Variants in ZNF106 observed in about 807,000 individuals in gnomAD.
ZNF106 encodes SH3-domain binding protein 3.
Under a neutral mutation model 195.1 loss-of-function variants are expected in ZNF106, and 67 were observed. The ratio of observed to expected loss-of-function variants is 0.34; its 90% confidence interval spans 0.28 to 0.42. The LOEUF is 0.42. ZNF106 is among the 10% of genes least tolerant of loss of function. The probability of loss-of-function intolerance (pLI) is 1.00; values close to 1 mark genes in which losing one functional copy is unlikely to be tolerated. For missense variants in ZNF106, 2,118 were observed against 2,304.5 expected (o/e 0.92, Z 1.66); for synonymous variants, 784 against 818.6 (o/e 0.96, Z 0.72).
chr15:42,452,400 G>A (rs1443631077), intron 4 of ZNF106, among the ~76,000 whole-genome samples: 1 of 152,002 alleles, frequency 6.6e-6, no homozygotes, highest in South Asian at 2.1e-4. Context: ...GAGCACGCCT[G>A]TAACCCCAGC....
intron 1 of ZNF106, among the ~76,000 whole-genome samples, chr15:42,484,871 C>G (rs2056975477): frequency 6.6e-6 from 1 of 151,994 alleles, no homozygotes; most frequent in Non-Finnish European, 1.5e-5. Context: ...AAAAAATACT[C>G]TGTGTTGACC....
chr15:42,489,871 A>G (rs1253435517), intron 1 of ZNF106, among the ~76,000 whole-genome samples: 3 of 151,954 alleles, frequency 2.0e-5, no homozygotes, highest in Non-Finnish European at 4.4e-5. Context: ...CCTCGTCTCT[A>G]CTAAAAATAC....
At position 42,450,768 on chromosome 15, in the gene ZNF106, T is replaced by C. The variant is rs746387278; in HGVS notation, c.1504A>G (p.Asn502Asp). 2 of 1,613,974 alleles carry C rather than the reference T, an allele frequency of 1.2e-6. No homozygotes were observed. The highest frequency in any genetic ancestry group is 2.7e-5 in the African/African-American group (2 of 74,894). Reference protein sequence around the residue: ...PKNISKNTKTNFFSPGEHSNP... With the variant: ...PKNISKNTKTDFFSPGEHSNP... ...GAGTGTTCTCCAGGGGAAAAAAAAT[T>C]TGTTTTGGTGTTTTTTGAGATATTC... Residue 502 changes from asparagine (N) to aspartate (D), a missense_variant, in exon 5 of 22, where the codon AAT (asparagine) becomes GAT (aspartate). Coordinates refer to ENST00000564754, the MANE Select transcript of ZNF106 (RefSeq NM_001366845.3).
chr15:42,487,711 CA>C (rs2057047695), intron 1 of ZNF106, among the ~76,000 whole-genome samples: 1 of 152,038 alleles, frequency 6.6e-6, no homozygotes, highest in Non-Finnish European at 1.5e-5. Context: ...TAATGTTGTA[CA>C]ACCAACACTA....
In ZNF106 at chr15:42,448,381, G is replaced by A. The variant is rs747655349; in HGVS notation, c.2826C>T (p.Ala942=). The part of the protein sequence containing the change: ...HLKQEVTPRA[A]SLRTGERAEN... ...CAGCCCTTTCACCTGTTCGGAGGGA[G>A]GCAGCCCGAGGTGTCACTTCTTGTT... Residue 942 remains alanine, a synonymous_variant, in exon 6 of 22, where the codon GCC becomes GCT. Transcript: ENST00000564754. 10 of 1,614,036 alleles carry A rather than the reference G, an allele frequency of 6.2e-6. No homozygotes were observed. The highest frequency in any genetic ancestry group is 8.5e-6 in the Non-Finnish European group (10 of 1,180,042).
At chr15:42,429,433 C>T (rs941325680) in intron 14 of ZNF106, among the ~76,000 whole-genome samples, 64 of 150,898 alleles carry the variant, frequency 4.2e-4, no homozygotes, top group African/African-American at 1.5e-3. Flanking sequence ...AGCGAGACCC[C>T]GTCTCAATTA....
intron 20 of ZNF106, 49 bp from the exon 21 acceptor site, chr15:42,418,000 C>G (rs367918891): frequency 6.3e-7 from 1 of 1,588,830 alleles, no homozygotes; most frequent in African/African-American, 1.4e-5. Context: ...GTGCAGTGAA[C>G]GTGAATCAGA....
intron 3 of ZNF106, among the ~76,000 whole-genome samples, chr15:42,465,384 C>T (rs770422328): frequency 4.6e-5 from 7 of 152,080 alleles, no homozygotes; most frequent in Non-Finnish European, 8.8e-5. Flanking sequence ...CTCAAGTGAT[C>T]CTCCCAACCT....
chr15:42,425,866 A>T (rs2054836627), intron 15 of ZNF106: 1 of 152,198 alleles, frequency 6.6e-6, no homozygotes, highest in African/African-American at 2.4e-5. Context: ...TTAGTAGACT[A>T]TAGAAGCCTA....
chr15:42,427,187 A>T (rs1472644292), intron 15 of ZNF106, among the ~76,000 whole-genome samples: 1 of 152,066 alleles, frequency 6.6e-6, no homozygotes. Flanking sequence ...AACCTTTTTC[A>T]TGTCAGCTTC....
At chr15:42,449,418 T>G (rs1411681440) in intron 5 of ZNF106, among the ~76,000 whole-genome samples, 1 of 152,218 alleles carries the variant, frequency 6.6e-6, no homozygotes, top group Admixed American at 6.5e-5. Flanking sequence ...CATTCCAAAA[T>G]TAAGATCTAG....
At chr15:42,486,312 T>C (rs756389163) in intron 1 of ZNF106, among the ~76,000 whole-genome samples, 1 of 151,296 alleles carries the variant, frequency 6.6e-6, no homozygotes, top group Non-Finnish European at 1.5e-5. Context: ...TGGGGTAGAG[T>C]GCAGGGGCAT....
rs769963095 is a variant in ZNF106 at position 42,449,793 on chromosome 15, C to G, written c.2479G>C (p.Glu827Gln). 2 of 1,613,966 alleles carry G rather than the reference C, an allele frequency of 1.2e-6. No homozygotes were observed. Among genetic ancestry groups the G allele is most frequent in the Admixed American group, 1.7e-5 (1 of 59,994 alleles). The change falls in exon 5 of 22, where the codon GAG (glutamate) becomes CAG (glutamine). Residue 827 changes from glutamate (E) to glutamine (Q), a missense_variant. Glu to Gln is a conservative substitution (Grantham distance 29). Coordinates refer to ENST00000564754, the MANE Select transcript of ZNF106 (RefSeq NM_001366845.3). ...CACCTGGGTAAGCCTTTGCCCAGCT[C>G]TTGCTTTTTCTTGGTTACTTGCTGA... ...VIQQVTKKKQ[E>Q]LGKGLPRFGI...
In ZNF106 at chr15:42,417,288, T is replaced by C. The variant is rs745790770; in HGVS notation, c.*16A>G. ...TAGTTCAACTAATGACTTCCCAACG[T>C]GGGAGGCAAAAAACTTCATGAATCA... is the stretch of plus-strand genomic sequence containing the variant. On this transcript the variant is annotated 3_prime_UTR_variant, in exon 22 of 22. Transcript: ENST00000564754. 5 of 1,613,810 alleles carry C rather than the reference T, an allele frequency of 3.1e-6. No individual in the cohort carries two copies. The East Asian group carries it at 1.1e-4, about 36-fold the overall frequency.
chr15:42,436,460 C>G (rs1331146906), intron 13 of ZNF106, among the ~76,000 whole-genome samples: 4 of 152,164 alleles, frequency 2.6e-5, no homozygotes, highest in Non-Finnish European at 5.9e-5. Context: ...ATCTACACAC[C>G]TGTTGCCTAT....
chr15:42,488,988 G>C (rs1433081498), intron 1 of ZNF106, among the ~76,000 whole-genome samples: 3 of 149,290 alleles, frequency 2.0e-5, no homozygotes, highest in Non-Finnish European at 4.4e-5. Context: ...TGAGGCAGGA[G>C]AATCACCTGA....
Position 42,442,524 on chromosome 15 carries a change from A to C in ZNF106, c.3422-110T>G, listed in dbSNP as rs1034374509. On this transcript the variant is annotated intron_variant, in intron 9 of 21. Transcript: ENST00000564754. ...CATTAGAAAAGAATTATAAATAAGT[A>C]TATTAGTATAGTCCCTCATAATTCT... The C allele has an allele frequency of 8.2e-6, 7 of 850,034 alleles. No individual in the cohort carries two copies. In the African/African-American group the frequency reaches 1.2e-4, roughly 15 times the overall value. 52.7% of individuals were successfully genotyped at this position (850,034 alleles called of 1,614,324 possible).
At chr15:42,471,674 T>G (rs2056671758) in intron 2 of ZNF106, among the ~76,000 whole-genome samples, 1 of 152,198 alleles carries the variant, frequency 6.6e-6, no homozygotes, top group Admixed American at 6.5e-5. Flanking sequence ...GAGGTTGCAG[T>G]GAGCTGAGAT....
At chr15:42,461,828 C>A (rs766015366) in intron 3 of ZNF106, among the ~76,000 whole-genome samples, 1 of 152,288 alleles carries the variant, frequency 6.6e-6, no homozygotes, top group South Asian at 2.1e-4. Context: ...CTCAGGATAA[C>A]AGGGTAAAGA....
Sources: allele counts gnomAD v4.1 joint callset (sites outside exome capture counted in the v4.1 genomes callset), GRCh38; gene constraint gnomAD v4.1.1; transcripts MANE v1.5; gene names NCBI Gene and HGNC (gene_info 2026-07-23, HGNC 2026-07-21).